The following CCDC85C variants were observed in gnomAD, a reference collection of about 807,000 sequenced individuals.
CCDC85C encodes the protein coiled-coil domain containing 85C.
CCDC85C carries 18 observed loss-of-function variants against 38.3 expected under a neutral mutation model. The observed-to-expected ratio is 0.47, with a 90% confidence interval of 0.33 to 0.70. CCDC85C has a LOEUF of 0.70. Among genes scored for constraint, CCDC85C ranks in the 30% least tolerant of loss-of-function variants. The pLI, the probability that CCDC85C is intolerant of heterozygous loss-of-function variation, is 0.03. For missense variants in CCDC85C, 566 were observed against 621.2 expected, an observed-to-expected ratio of 0.91 and a Z score of 0.94; for synonymous variants, 264 against 293.8, an observed-to-expected ratio of 0.90 and a Z score of 1.04.
intron 1 of CCDC85C, among the ~76,000 whole-genome samples, chr14:99,550,192 T>C (rs958564689): frequency 2.0e-5 from 3 of 152,220 alleles, no homozygotes; most frequent in African/African-American, 7.2e-5. Flanking sequence ...AAATGGGACT[T>C]TGCAGATGAG....
At chr14:99,527,163 G>A (rs746276909) in intron 2 of CCDC85C, among the ~76,000 whole-genome samples, 8 of 152,228 alleles carry the variant, frequency 5.3e-5, no homozygotes, top group Admixed American at 6.5e-5. Context: ...CCACACGTCC[G>A]TCAGTCATGC....
chr14:99,556,304 G>A (rs1898009804), intron 1 of CCDC85C, among the ~76,000 whole-genome samples: 1 of 152,176 alleles, frequency 6.6e-6, no homozygotes, highest in Non-Finnish European at 1.5e-5. Context: ...TGTAGTCCCA[G>A]CTACTTGGGA....
chr14:99,538,719 C>T (rs1055437290), intron 1 of CCDC85C, among the ~76,000 whole-genome samples: 3 of 152,252 alleles, frequency 2.0e-5, no homozygotes, highest in Admixed American at 6.5e-5. Flanking sequence ...AGCCTCAGCA[C>T]CTTCGCTGGG....
chr14:99,594,928 G>T (rs1286230612), intron 1 of CCDC85C, among the ~76,000 whole-genome samples: 5 of 152,188 alleles, frequency 3.3e-5, no homozygotes, highest in Non-Finnish European at 7.3e-5. Context: ...TATCAGGTGG[G>T]GAGCAGGGGA....
intron 1 of CCDC85C, among the ~76,000 whole-genome samples, chr14:99,596,608 C>T (rs2055145805): frequency 6.6e-6 from 1 of 152,222 alleles, no homozygotes; most frequent in African/African-American, 2.4e-5. Context: ...CCTGTGAGGA[C>T]AGGGGATGTA....
chr14:99,560,472 A>G (rs2180381), intron 1 of CCDC85C, among the ~76,000 whole-genome samples: 85,979 of 151,974 alleles, frequency 0.57, 25,063 homozygotes, highest in African/African-American at 0.71. Flanking sequence ...CATGAGTACC[A>G]CACACAGAGA....
chr14:99,528,182 A>G (rs1897424811), intron 2 of CCDC85C, among the ~76,000 whole-genome samples: 1 of 151,684 alleles, frequency 6.6e-6, no homozygotes, highest in Non-Finnish European at 1.5e-5. Context: ...CCCCACAAAC[A>G]CCACTGCAAA....
Position 99,515,060 on chromosome 14 carries a change from G to A in CCDC85C, c.*186C>T. The stretch of plus-strand genomic sequence containing the variant: ...CCCAGGTTGCTGGTGTATGAGGCGG[G>A]AGATGGCGGCTTGGGCCAGTGCATC... On this transcript the variant is annotated 3_prime_UTR_variant, in exon 6 of 6. Coordinates refer to ENST00000380243, the MANE Select transcript of CCDC85C (RefSeq NM_001144995.2). 1 of 545,150 alleles carries A rather than the reference G, an allele frequency of 1.8e-6. No homozygotes were observed. Among genetic ancestry groups the A allele is most frequent in the Non-Finnish European group, 3.3e-6 (1 of 304,780 alleles). The allele number at this position is 545,150 out of a possible 1,614,324, so 33.8% of individuals were successfully genotyped here. A position where few individuals can be genotyped will look rare whatever the true frequency, so the allele number is the denominator to read the frequency against.
chr14:99,554,464 G>A (rs752524558), intron 1 of CCDC85C, among the ~76,000 whole-genome samples: 64 of 152,230 alleles, frequency 4.2e-4, no homozygotes, highest in Non-Finnish European at 8.1e-4. Flanking sequence ...CTGGCACAGC[G>A]TGATCTGCAG....
chr14:99,505,139 G>A lies in CCDC85C; in HGVS notation c.*10107C>T, dbSNP rs1473360386. The A allele has an allele frequency of 1.3e-5, 2 of 152,350 alleles. No homozygotes were observed. Among genetic ancestry groups the A allele is most frequent in the African/African-American group, 4.8e-5 (2 of 41,468 alleles). The allele number at this position is 152,350 out of a possible 1,614,324, so 9.4% of individuals were successfully genotyped here. Reference sequence around the variant, plus strand: ...GGGAAGCCATTGGAGATTTAGCAGGGGAATGGCAGAGTCTAAATTCATTTG... The same window carrying A: ...GGGAAGCCATTGGAGATTTAGCAGGAGAATGGCAGAGTCTAAATTCATTTG... On this transcript the variant is annotated 3_prime_UTR_variant, in exon 6 of 6. Coordinates refer to ENST00000380243, the MANE Select transcript of CCDC85C (RefSeq NM_001144995.2).
chr14:99,528,474 C>A (rs1245649342), intron 2 of CCDC85C, among the ~76,000 whole-genome samples: 1 of 152,230 alleles, frequency 6.6e-6, no homozygotes, highest in Non-Finnish European at 1.5e-5. Context: ...CACTGAAGAC[C>A]TGCCATGTGC....
chr14:99,592,274 G>C (rs373421248), intron 1 of CCDC85C, among the ~76,000 whole-genome samples: 13 of 152,188 alleles, frequency 8.5e-5, no homozygotes, highest in African/African-American at 3.1e-4. Context: ...TTAGAGCCAG[G>C]AAACCTTGAC....
At position 99,510,141 on chromosome 14, in the gene CCDC85C, C is replaced by G. The variant is rs200683291; in HGVS notation, c.*5105G>C. The G allele has an allele frequency of 4.5e-5, 71 of 1,587,162 alleles. No homozygotes were observed. In the African/African-American group the frequency reaches 8.8e-4, roughly 20 times the overall value. On this transcript the variant is annotated 3_prime_UTR_variant, in exon 6 of 6. Transcript: ENST00000380243. ...TGCTGGCGGAGGCCGGGCACTGATG[C>G]GTCTCTCTCCTGCAGACCGGAAGCC...
chr14:99,541,399 C>T (rs1897710026), intron 1 of CCDC85C, among the ~76,000 whole-genome samples: 1 of 152,210 alleles, frequency 6.6e-6, no homozygotes, highest in Admixed American at 6.5e-5. Context: ...TCTGACTCTG[C>T]GGTGCCTGAT....
At chr14:99,601,765 G>C (rs962502268) in intron 1 of CCDC85C, among the ~76,000 whole-genome samples, 1 of 152,176 alleles carries the variant, frequency 6.6e-6, no homozygotes, top group Non-Finnish European at 1.5e-5. Flanking sequence ...GTGTTACAAA[G>C]AGAAACCTGA....
intron 1 of CCDC85C, among the ~76,000 whole-genome samples, chr14:99,540,740 G>T (rs903234049): frequency 1.3e-5 from 2 of 152,212 alleles, no homozygotes; most frequent in African/African-American, 4.8e-5. Flanking sequence ...CAACGTTCTT[G>T]TGTCCAGGAG....
In CCDC85C at chr14:99,503,614, G is replaced by C. The variant is rs867171281; in HGVS notation, c.*11632C>G. The C allele has an allele frequency of 6.4e-7, 1 of 1,559,416 alleles. No individual in the cohort carries two copies. The highest frequency in any genetic ancestry group is 8.7e-7 in the Non-Finnish European group (1 of 1,149,696). On this transcript the variant is annotated 3_prime_UTR_variant, in exon 6 of 6. Coordinates refer to ENST00000380243, the MANE Select transcript of CCDC85C (RefSeq NM_001144995.2). ...TGTGTATTTTCTTTTGTAACAGGTT[G>C]TTTCTCCCAAAGAAGAGAACAAAGC... is the stretch of plus-strand genomic sequence containing the variant.
chr14:99,559,553 A>C (rs572528878), intron 1 of CCDC85C, among the ~76,000 whole-genome samples: 14 of 152,278 alleles, frequency 9.2e-5, no homozygotes, highest in African/African-American at 3.1e-4. Flanking sequence ...ACTTCCATTG[A>C]GGTAACTCGG....
At chr14:99,522,018 G>A (rs1897309496) in intron 3 of CCDC85C, 115 bp downstream of exon 3, 2 of 760,474 alleles carry the variant, frequency 2.6e-6, no homozygotes, top group South Asian at 3.4e-5. Flanking sequence ...AGGGCCTAGG[G>A]CTGGGGCTGA....
Sources: allele counts gnomAD v4.1 joint callset (sites outside exome capture counted in the v4.1 genomes callset), GRCh38; gene constraint gnomAD v4.1.1; transcripts MANE v1.5; gene names NCBI Gene and HGNC (gene_info 2026-07-23, HGNC 2026-07-21).